PLAA: variants seen among roughly 807,000 people sequenced by gnomAD.
The protein encoded by PLAA is phospholipase A-2-activating protein.
PLAA carries 48 observed loss-of-function variants against 84.1 expected under a neutral mutation model. The ratio of observed to expected loss-of-function variants is 0.57; its 90% CI spans 0.45 to 0.73. The LOEUF (loss-of-function observed/expected upper bound fraction) is 0.73, where lower values mean the gene tolerates loss of function less well. Ranked by LOEUF, PLAA falls within the 30% of genes least tolerant of loss-of-function variation. The pLI is 0.00. For missense variants in PLAA, 903 were observed against 954.7 expected (o/e 0.95, Z 0.71); for synonymous variants, 392 against 336.6 (o/e 1.16, Z -1.80).
rs1021748685 is a variant in PLAA at position 26,904,937 on chromosome 9, A to G, written c.*574T>C. 6.6e-6 allele frequency: 1 copy of G among 152,162 alleles called. No individual in the cohort carries two copies. Among genetic ancestry groups the G allele is most frequent in the African/African-American group, 2.4e-5 (1 of 41,454 alleles). 9.4% of individuals were successfully genotyped at this position (152,162 alleles called of 1,614,324 possible). A position where few individuals can be genotyped will look rare whatever the true frequency, so the allele number is the denominator to read the frequency against. Reference sequence around the variant, plus strand: ...TTACCAACTGGCTTTTTCTTCATCTAAAAATAGGCCATTAAACAAATATAC... The same window carrying G: ...TTACCAACTGGCTTTTTCTTCATCTGAAAATAGGCCATTAAACAAATATAC... On this transcript the variant is annotated 3_prime_UTR_variant, in exon 14 of 14. Coordinates refer to ENST00000397292, the MANE Select transcript of PLAA (RefSeq NM_001031689.3).
At chr9:26,927,461 A>T (rs1011934698) in intron 4 of PLAA, among the ~76,000 whole-genome samples, 4 of 152,090 alleles carry the variant, frequency 2.6e-5, no homozygotes, top group Non-Finnish European at 5.9e-5. Flanking sequence ...CTTCTTGCAT[A>T]TTATCTAGGG....
chr9:26,935,872 T>C (rs116602876), intron 1 of PLAA, among the ~76,000 whole-genome samples: 19 of 150,768 alleles, frequency 1.3e-4, no homozygotes, highest in African/African-American at 2.2e-4. Flanking sequence ...TATAATGTTA[T>C]ATATAATTAT....
chr9:26,938,319 G>GTT (rs1587189618), intron 1 of PLAA, among the ~76,000 whole-genome samples: 2 of 152,224 alleles, frequency 1.3e-5, no homozygotes, highest in East Asian at 3.9e-4. Context: ...GCTGCAGAGT[G>GTT]CTGCGACCAC....
At chr9:26,918,512 A>G (rs1824648191) in intron 9 of PLAA, among the ~76,000 whole-genome samples, 1 of 152,046 alleles carries the variant, frequency 6.6e-6, no homozygotes, top group South Asian at 2.1e-4. Flanking sequence ...GAATGAGGAG[A>G]TAATTTGGGA....
At chr9:26,906,332 C>T (rs767789217) in intron 13 of PLAA, among the ~76,000 whole-genome samples, 1 of 151,666 alleles carries the variant, frequency 6.6e-6, no homozygotes, top group African/African-American at 2.4e-5. Flanking sequence ...AGCCTACACA[C>T]TGTGAGTATT....
At chr9:26,937,018 G>T (rs978077363) in intron 1 of PLAA, among the ~76,000 whole-genome samples, 4 of 152,094 alleles carry the variant, frequency 2.6e-5, no homozygotes, top group African/African-American at 9.7e-5. Context: ...GCAGGTGCCT[G>T]TAATTCCAGC....
At chr9:26,906,634 G>A (rs1364226152) in intron 13 of PLAA, among the ~76,000 whole-genome samples, 2 of 151,884 alleles carry the variant, frequency 1.3e-5, no homozygotes, top group African/African-American at 2.4e-5. Flanking sequence ...CATCATATTG[G>A]TCAGGCTGGT....
chr9:26,944,154 G>C (rs1312278427), intron 1 of PLAA, among the ~76,000 whole-genome samples: 3 of 152,162 alleles, frequency 2.0e-5, no homozygotes, highest in Non-Finnish European at 4.4e-5. Context: ...TGTTACAAAA[G>C]CAAGTTTGGC....
chr9:26,920,755 C>G (rs1019893661), intron 7 of PLAA, among the ~76,000 whole-genome samples: 1 of 152,182 alleles, frequency 6.6e-6, no homozygotes, highest in Non-Finnish European at 1.5e-5. Flanking sequence ...TCAACCCCAT[C>G]GCTCCTTCGG....
intron 1 of PLAA, among the ~76,000 whole-genome samples, chr9:26,946,060 C>T (rs1825695487): frequency 1.3e-5 from 2 of 152,178 alleles, no homozygotes; most frequent in African/African-American, 4.8e-5. Flanking sequence ...AGAGGAGGCA[C>T]TCAACAGTTA....
In PLAA at chr9:26,917,144, C is replaced by G; in HGVS notation, c.1439G>C (p.Gly480Ala). Residue 480 changes from glycine to alanine, a missense_variant, in exon 10 of 14, where the codon GGC becomes GCC. Physicochemically the swap from Gly to Ala is moderately conservative, Grantham distance 60. Coordinates refer to ENST00000397292, the MANE Select transcript of PLAA (RefSeq NM_001031689.3). ...TAGTGTGTTAGAAGATCCCGAAGAG[C>G]CCGGAACATACCGACCACCACCTGT... ...PFTGGGRYVP[G>A]SSGSSNTLPT... 6 of 1,613,860 alleles carry G rather than the reference C, an allele frequency of 3.7e-6. No homozygotes were observed. The highest frequency in any genetic ancestry group is 5.1e-6 in the Non-Finnish European group (6 of 1,179,850).
At chr9:26,906,161 A>T in intron 13 of PLAA, 85 bp from the exon 14 acceptor site, 1 of 791,066 alleles carries the variant, frequency 1.3e-6, no homozygotes, top group Non-Finnish European at 1.8e-6. Flanking sequence ...TTATTTTCCC[A>T]CTGCAAAACT....
Position 26,946,906 on chromosome 9 carries a change from G to A in PLAA, c.140C>T (p.Ala47Val). ...GACTCCCAGCGCTCACCTGTCTGGG[G>A]CCCAGAGGCGGGTGGTGCGGTCTCG... is the stretch of plus-strand genomic sequence containing the variant. ...VSRDRTTRLWAPDSPNRSFTE... is the reference protein window; with the variant it reads ...VSRDRTTRLWVPDSPNRSFTE... Residue 47 changes from alanine to valine, a missense_variant, in exon 1 of 14, where the codon GCC becomes GTC. Physicochemically the swap from Ala to Val is moderately conservative, Grantham distance 64. Transcript: ENST00000397292. 1 of 1,582,368 alleles carries A rather than the reference G, an allele frequency of 6.3e-7. No homozygotes were observed. The highest frequency in any genetic ancestry group is 8.6e-7 in the Non-Finnish European group (1 of 1,164,916).
In PLAA at chr9:26,905,452, G is replaced by A. The variant is rs1012261882; in HGVS notation, c.*59C>T. On this transcript the variant is annotated 3_prime_UTR_variant, in exon 14 of 14. Coordinates refer to ENST00000397292, the MANE Select transcript of PLAA (RefSeq NM_001031689.3). ...TTTTTAATTATCTGTTATCAGTCAT[G>A]TCAAATGTGAGGAAAAAAACACTAA... is the stretch of plus-strand genomic sequence containing the variant. 30 of 1,223,556 alleles carry A rather than the reference G, an allele frequency of 2.5e-5. No individual in the cohort carries two copies. In the South Asian group the frequency reaches 3.7e-4, roughly 15 times the overall value. The allele number at this position is 1,223,556 out of a possible 1,614,324, so 75.8% of individuals were successfully genotyped here.
In PLAA at chr9:26,937,586, T is replaced by C. The variant is rs370918057; in HGVS notation, c.150-2380A>G. 3.3e-5 allele frequency among the ~76,000 whole-genome samples: 5 copies of C among 152,270 alleles called. No homozygotes were observed. In the East Asian group the frequency reaches 9.6e-4, roughly 29 times the overall value. Reference sequence around the variant, plus strand: ...CCTGAAAAAGACCTGGCAGCAGATCTACTAGACAGAGACTTTAAAACAACT... The same window carrying C: ...CCTGAAAAAGACCTGGCAGCAGATCCACTAGACAGAGACTTTAAAACAACT... On this transcript the variant is annotated intron_variant, in intron 1 of 13. Transcript: ENST00000397292.
chr9:26,945,969 A>G (rs980149250), intron 1 of PLAA, among the ~76,000 whole-genome samples: 5 of 152,102 alleles, frequency 3.3e-5, no homozygotes, highest in African/African-American at 1.2e-4. Flanking sequence ...TTTTTAATCT[A>G]TCTTCCCCAT....
At chr9:26,933,224 C>T (rs745815276) in intron 2 of PLAA, among the ~76,000 whole-genome samples, 11 of 151,370 alleles carry the variant, frequency 7.3e-5, no homozygotes, top group Non-Finnish European at 1.6e-4. Context: ...GCCAAGATCA[C>T]GCCACTGCAC....
intron 1 of PLAA, among the ~76,000 whole-genome samples, chr9:26,944,120 C>T (rs756398780): frequency 1.3e-5 from 2 of 152,030 alleles, no homozygotes; most frequent in African/African-American, 4.8e-5. Flanking sequence ...GTCATTATTG[C>T]GGGACTGGGT....
Position 26,947,010 on chromosome 9 carries a change from G to A in PLAA, c.36C>T (p.Cys12=), listed in dbSNP as rs749744311. 1.6e-4 allele frequency: 258 copies of A among 1,593,512 alleles called. No homozygotes were observed. The highest frequency in any genetic ancestry group is 1.9e-4 in the Non-Finnish European group (225 of 1,170,932). The change falls in exon 1 of 14, where the codon TGC becomes TGT. Residue 12 remains cysteine (C), a synonymous_variant. Transcript: ENST00000397292. ...CGTCCAGCTCGTGGCCCCGGAGCGA[G>A]CAGCTCAGCCGGTACCTGGTTGCGC... is the stretch of plus-strand genomic sequence containing the variant. ...TSGATRYRLS[C]SLRGHELDVR...
Sources: gnomAD v4.1 joint callset for allele counts (sites outside exome capture counted in the v4.1 genomes callset) on GRCh38, gnomAD v4.1.1 for gene constraint, MANE v1.5 for transcripts, NCBI Gene and HGNC (gene_info 2026-07-23, HGNC 2026-07-21) for gene names.